The following PCDH7 variants were observed in gnomAD, a reference collection of about 807,000 sequenced individuals.
The protein encoded by PCDH7 is protocadherin-7.
In PCDH7, 17 loss-of-function variants were observed where a neutral mutation model predicts 58.9. That is an observed-to-expected ratio of 0.29 (90% CI 0.20 to 0.43). The LOEUF is 0.43. Ranked by LOEUF, PCDH7 falls within the 20% of genes least tolerant of loss-of-function variation. PCDH7 has a pLI of 1.00. For missense variants in PCDH7, 1,274 were observed against 1,441.0 expected, an observed-to-expected ratio of 0.88 and a Z score of 1.88; for synonymous variants, 664 against 616.4, an observed-to-expected ratio of 1.08 and a Z score of -1.14.
intron 2 of PCDH7, among the ~76,000 whole-genome samples, chr4:30,925,496 C>T (rs1743744311): frequency 6.6e-6 from 1 of 152,158 alleles, no homozygotes; most frequent in Admixed American, 6.5e-5. Context: ...AGCACAATAC[C>T]TAAAATACCA....
chr4:30,937,426 T>C (rs1201704885), intron 2 of PCDH7, among the ~76,000 whole-genome samples: 4 of 152,106 alleles, frequency 2.6e-5, no homozygotes, highest in Non-Finnish European at 5.9e-5. Flanking sequence ...GTCACAAATA[T>C]TTTTAACTGC....
Position 30,894,514 on chromosome 4 carries a change from TATACACACACACACACACAC to T in PCDH7, c.71-25637_71-25618del, listed in dbSNP as rs1354035666. ...AAATATATATATATATATATATATA[TATACACACACACACACACAC>T]ACACACACACACACACACACACACA... On this transcript the variant is annotated intron_variant, in intron 1 of 3. Coordinates refer to the PCDH7 transcript ENST00000509759. Among the ~76,000 whole-genome samples the T allele has an allele frequency of 3.6e-3, 175 of 48,026 alleles. 4 individuals are homozygous for T. The highest frequency in any genetic ancestry group is 0.022 in the African/African-American group (167 of 7,442). 31.5% of individuals were successfully genotyped at this position (48,026 alleles called of 152,430 possible). A position where few individuals can be genotyped will look rare whatever the true frequency, so the allele number is the denominator to read the frequency against.
chr4:30,894,106 T>A (rs1738969401), intron 1 of PCDH7, among the ~76,000 whole-genome samples: 1 of 152,154 alleles, frequency 6.6e-6, no homozygotes, highest in African/African-American at 2.4e-5. Context: ...CTTAAGAAAT[T>A]ATTTCTGTAG....
At chr4:31,029,204 C>T (rs1188349157) in intron 3 of PCDH7, among the ~76,000 whole-genome samples, 3 of 152,204 alleles carry the variant, frequency 2.0e-5, no homozygotes, top group Non-Finnish European at 4.4e-5. Context: ...AACATTAATG[C>T]ATCACAAGCA....
intron 1 of PCDH7, among the ~76,000 whole-genome samples, chr4:30,768,903 G>T (rs982203873): frequency 1.3e-5 from 2 of 152,122 alleles, no homozygotes; most frequent in Non-Finnish European, 2.9e-5. Flanking sequence ...GAGTTATTGA[G>T]GATGAAATCA....
At chr4:31,091,833 G>C (rs1476635498) in intron 3 of PCDH7, among the ~76,000 whole-genome samples, 1 of 151,982 alleles carries the variant, frequency 6.6e-6, no homozygotes, top group African/African-American at 2.4e-5. Flanking sequence ...AACATAGGGA[G>C]TGAGATTGTG....
At chr4:31,144,336 G>A (rs1176859204), downstream of PCDH7, 1 of 152,192 alleles carries the variant, frequency 6.6e-6, no homozygotes, top group Non-Finnish European at 1.5e-5. Flanking sequence ...TCTCAAAGGT[G>A]AAAGCAGAGT....
At chr4:31,142,032 A>T (rs1306407265) in intron 3 of PCDH7, among the ~76,000 whole-genome samples, 2 of 152,214 alleles carry the variant, frequency 1.3e-5, no homozygotes, top group Admixed American at 1.3e-4. Context: ...AGCAGGAAGA[A>T]ATCCAATTGG....
At chr4:30,724,031 G>T (rs77198712) in exon 1 of PCDH7, 2 of 1,614,110 alleles carry the variant, frequency 1.2e-6, no homozygotes, top group Non-Finnish European at 1.7e-6. Context: ...GGTGACCCAA[G>T]CTATGAAATT....
At chr4:30,733,335 T>G (rs918088747), downstream of PCDH7, among the ~76,000 whole-genome samples, 1 of 152,236 alleles carries the variant, frequency 6.6e-6, no homozygotes, top group Non-Finnish European at 1.5e-5. Context: ...TTTTTTCCTT[T>G]ATCTATCAGT....
chr4:31,138,253 T>G (rs79423980), intron 3 of PCDH7, among the ~76,000 whole-genome samples: 3,480 of 152,280 alleles, frequency 0.023, 131 homozygotes, highest in African/African-American at 0.08. Context: ...AAAAATACTA[T>G]GTTTTTGAGA....
chr4:31,105,179 A>C (rs1715395135), intron 3 of PCDH7, among the ~76,000 whole-genome samples: 1 of 152,192 alleles, frequency 6.6e-6, no homozygotes, highest in African/African-American at 2.4e-5. Context: ...GTCATACTTC[A>C]TTTACTTCTT....
At chr4:30,834,903 T>TTATA (rs761760746) in intron 1 of PCDH7, among the ~76,000 whole-genome samples, 364 of 148,822 alleles carry the variant, frequency 2.4e-3, no homozygotes, top group African/African-American at 5.8e-3. Flanking sequence ...AACATTGGTG[T>TTATA]TATATATATA....
intron 3 of PCDH7, among the ~76,000 whole-genome samples, chr4:31,091,860 G>A (rs1473855553): frequency 6.6e-6 from 1 of 151,912 alleles, no homozygotes; most frequent in African/African-American, 2.4e-5. Flanking sequence ...TATAATTAAA[G>A]AGTAGAGCTA....
intron 3 of PCDH7, among the ~76,000 whole-genome samples, chr4:31,016,029 T>G (rs965701952): frequency 2.0e-5 from 3 of 152,152 alleles, no homozygotes; most frequent in East Asian, 3.9e-4. Context: ...GCGGATGAGT[T>G]TAATATAATT....
At chr4:31,103,130 C>T (rs186202020) in intron 3 of PCDH7, among the ~76,000 whole-genome samples, 118 of 152,266 alleles carry the variant, frequency 7.7e-4, no homozygotes, top group African/African-American at 2.2e-3. Context: ...CCTTACAAGA[C>T]GTATGACTAA....
chr4:30,810,799 G>T (rs892620488), intron 1 of PCDH7, among the ~76,000 whole-genome samples: 1 of 151,840 alleles, frequency 6.6e-6, no homozygotes, highest in African/African-American at 2.4e-5. Flanking sequence ...TAGTAGATAT[G>T]GAGTTTCACC....
At chr4:30,816,931 A>C (rs1316746729) in intron 1 of PCDH7, among the ~76,000 whole-genome samples, 2 of 152,182 alleles carry the variant, frequency 1.3e-5, no homozygotes, top group Non-Finnish European at 2.9e-5. Context: ...AGCTGGCTTC[A>C]TTATGAGTTA....
intron 1 of PCDH7, among the ~76,000 whole-genome samples, chr4:30,727,247 AAG>A (rs757775740): frequency 5.3e-5 from 8 of 151,892 alleles, no homozygotes; most frequent in African/African-American, 7.2e-5. Flanking sequence ...GATGTTTCTT[AAG>A]AGTGTTCTTA....
Sources: allele counts gnomAD v4.1 joint callset (sites outside exome capture counted in the v4.1 genomes callset), GRCh38; gene constraint gnomAD v4.1.1; transcripts MANE v1.5; gene names NCBI Gene and HGNC (gene_info 2026-07-23, HGNC 2026-07-21).